The following B9D1 variants were observed in gnomAD, a reference collection of about 807,000 sequenced individuals.
B9D1 encodes B9 domain containing 1, also known as B9 domain-containing protein 1.
In B9D1, 20 loss-of-function variants were observed where a neutral mutation model predicts 26.1. The observed-to-expected ratio is 0.77, with a 90% CI of 0.54 to 1.12. B9D1 has a LOEUF of 1.12. Ranked by LOEUF, B9D1 falls within the 50% of genes most tolerant of loss-of-function variation. The pLI is 0.00. For missense variants in B9D1, 260 were observed against 273.7 expected (o/e 0.95, Z 0.35); for synonymous variants, 105 against 103.1 (o/e 1.02, Z -0.11).
downstream of B9D1, chr17:19,337,613 T>G: frequency 9.1e-7 from 1 of 1,101,544 alleles, no homozygotes; most frequent in Non-Finnish European, 1.3e-6. Context: ...GGGATGCTCT[T>G]GGTTACGCTG....
upstream of B9D1, among the ~76,000 whole-genome samples, chr17:19,365,383 G>A (rs1911534606): frequency 6.6e-6 from 1 of 152,194 alleles, no homozygotes; most frequent in Non-Finnish European, 1.5e-5. The surrounding 1 kb of genome is among the most constrained non-coding windows in gnomAD (Gnocchi z 5.0). Flanking sequence ...CACCCTCCTG[G>A]AGCCCCTCTC....
chr17:19,340,211 C>T (rs1417713122), downstream of B9D1, among the ~76,000 whole-genome samples: 1 of 152,112 alleles, frequency 6.6e-6, no homozygotes, highest in African/African-American at 2.4e-5. Context: ...CCCTCTGTCG[C>T]CCCGGCTGGA....
chr17:19,376,716 G>T (rs962223264), intron 1 of B9D1, among the ~76,000 whole-genome samples: 3 of 150,716 alleles, frequency 2.0e-5, no homozygotes, highest in African/African-American at 7.3e-5. Flanking sequence ...GAGACCAGGA[G>T]GGGGAGGTTG....
chr17:19,350,220 G>A (rs1909413216), intron 3 of B9D1, among the ~76,000 whole-genome samples: 2 of 152,002 alleles, frequency 1.3e-5, no homozygotes, highest in East Asian at 3.9e-4. Context: ...GACCAGCCTG[G>A]GTAACGTGGC....
downstream of B9D1, among the ~76,000 whole-genome samples, chr17:19,339,616 G>A (rs1034160701): frequency 2.6e-5 from 4 of 152,210 alleles, no homozygotes; most frequent in African/African-American, 7.2e-5. Flanking sequence ...CATTGGCTGA[G>A]CACAGTATCT....
chr17:19,351,890 CTTA>C (rs747689019), intron 3 of B9D1, among the ~76,000 whole-genome samples: 103 of 152,332 alleles, frequency 6.8e-4, no homozygotes, highest in Non-Finnish European at 8.5e-4. Context: ...TCTGTTTCTT[CTTA>C]TTATTTTTTA....
chr17:19,347,974 G>A lies in B9D1; in HGVS notation c.245-94C>T, dbSNP rs1207104853. The A allele has an allele frequency of 1.4e-5, 15 of 1,095,794 alleles. No homozygotes were observed. Among genetic ancestry groups the A allele is most frequent in the Non-Finnish European group, 1.9e-5 (14 of 730,852 alleles). 67.9% of individuals were successfully genotyped at this position (1,095,794 alleles called of 1,614,324 possible). On this transcript the variant is annotated intron_variant, in intron 3 of 6. Transcript: ENST00000261499. The surrounding 1 kb of genome is among the most constrained non-coding windows in gnomAD (Gnocchi z 4.3). The stretch of plus-strand genomic sequence containing the variant: ...GCGTGTCCAGCTGAGGGTGCTCAAA[G>A]GATGGAGCTCAAAACTCTGGGGTGG...
At chr17:19,358,309 G>A (rs1021242257) in intron 2 of B9D1, among the ~76,000 whole-genome samples, 3 of 152,100 alleles carry the variant, frequency 2.0e-5, no homozygotes, top group Non-Finnish European at 2.9e-5. Flanking sequence ...CGGTAAATAC[G>A]TAAATGTGTT....
At position 19,357,827 on chromosome 17, in the gene B9D1, C is replaced by T. The variant is rs1270235951; in HGVS notation, c.244+13G>A. 1.9e-6 allele frequency: 3 copies of T among 1,605,888 alleles called. No homozygotes were observed. In the South Asian group the frequency reaches 3.3e-5, roughly 18 times the overall value. On this transcript the variant is annotated intron_variant, in intron 3 of 6. Coordinates refer to ENST00000261499, the MANE Select transcript of B9D1 (RefSeq NM_015681.6). ...CTCTGCCACCCTACCCCACAGGGCC[C>T]CTGCAGACTCACAGCCGTAGGGGTT...
At chr17:19,363,303 G>A (rs183691795), upstream of B9D1, among the ~76,000 whole-genome samples, 2 of 152,346 alleles carry the variant, frequency 1.3e-5, no homozygotes, top group African/African-American at 4.8e-5. Context: ...GGAAACTGAG[G>A]CCCGCAGCGG....
chr17:19,350,203 A>T (rs1909411981), intron 3 of B9D1, among the ~76,000 whole-genome samples: 1 of 151,864 alleles, frequency 6.6e-6, no homozygotes, highest in Non-Finnish European at 1.5e-5. Context: ...TGAGGCCAGG[A>T]GTTCAAGACC....
chr17:19,359,985 G>A lies in B9D1; in HGVS notation c.132+335C>T, dbSNP rs1197988928. On this transcript the variant is annotated intron_variant, in intron 2 of 6. Transcript: ENST00000261499. The surrounding 1 kb of genome is among the most constrained non-coding windows in gnomAD (Gnocchi z 5.0). The stretch of plus-strand genomic sequence containing the variant: ...AGGTCCTCCCCACTGGCTGAGGAGA[G>A]GCCAAATGGTGAGCGGACTGGCCAG... Among the ~76,000 whole-genome samples, 2 of 152,192 alleles carry A rather than the reference G, an allele frequency of 1.3e-5. No individual in the cohort carries two copies. Among genetic ancestry groups the A allele is most frequent in the Non-Finnish European group, 2.9e-5 (2 of 68,042 alleles).
chr17:19,369,141 C>T (rs957586925), intron 1 of B9D1, among the ~76,000 whole-genome samples: 13 of 152,180 alleles, frequency 8.5e-5, no homozygotes, highest in Admixed American at 5.9e-4. Context: ...GATAGGGAAG[C>T]GTATAGGGTT....
chr17:19,347,136 T>A lies in B9D1; in HGVS notation c.404+133A>T, dbSNP rs1224165533. ...TGACTCAGCACTCCCAGGGGACCTG[T>A]TTCTATTTGTCCTCAGTGGGTGGAG... is the stretch of plus-strand genomic sequence containing the variant. On this transcript the variant is annotated intron_variant, in intron 5 of 6. Transcript: ENST00000261499. The surrounding 1 kb of genome is among the most constrained non-coding windows in gnomAD (Gnocchi z 4.3). The A allele has an allele frequency of 6.2e-7, 1 of 1,602,408 alleles. No individual in the cohort carries two copies. Among genetic ancestry groups the A allele is most frequent in the South Asian group, 1.1e-5 (1 of 89,700 alleles).
intron 1 of B9D1, among the ~76,000 whole-genome samples, chr17:19,377,125 G>T (rs978685395): frequency 1.3e-5 from 2 of 152,196 alleles, no homozygotes; most frequent in African/African-American, 4.8e-5. Context: ...ACTATGCCCC[G>T]ACCATCTTGG....
At chr17:19,344,085 G>A (rs961160531) in intron 5 of B9D1, among the ~76,000 whole-genome samples, 6 of 152,228 alleles carry the variant, frequency 3.9e-5, no homozygotes, top group Non-Finnish European at 8.8e-5. Flanking sequence ...CATGTGCTCT[G>A]CAGCCACGCT....
At chr17:19,368,729 G>A (rs1313840801) in intron 1 of B9D1, among the ~76,000 whole-genome samples, 1 of 152,082 alleles carries the variant, frequency 6.6e-6, no homozygotes, top group Non-Finnish European at 1.5e-5. Flanking sequence ...AGGATCATTC[G>A]AGCCCAGAAG....
intron 3 of B9D1, among the ~76,000 whole-genome samples, chr17:19,348,566 C>T (rs1456969681): frequency 6.6e-6 from 1 of 152,118 alleles, no homozygotes; most frequent in East Asian, 1.9e-4. Flanking sequence ...TGAAATAGTA[C>T]CTAATGCATA....
In B9D1 at chr17:19,358,558, T is replaced by C. The variant is rs143093327; in HGVS notation, c.133-607A>G. On this transcript the variant is annotated intron_variant, in intron 2 of 6. Transcript: ENST00000261499. The stretch of plus-strand genomic sequence containing the variant: ...TTGCTAGATCCAATGGTCATTTCTC[T>C]ATCCTCGTGTTACTTGACCCATCAG... 7.7e-4 allele frequency among the ~76,000 whole-genome samples: 118 copies of C among 152,354 alleles called. No homozygotes were observed. The East Asian group carries it at 0.022, about 28-fold the overall frequency.
Sources: gnomAD v4.1 joint callset for allele counts (sites outside exome capture counted in the v4.1 genomes callset) on GRCh38, gnomAD v4.1.1 for gene constraint, Gnocchi (gnomAD v3.1) non-coding constraint, MANE v1.5 for transcripts, NCBI Gene and HGNC (gene_info 2026-07-23, HGNC 2026-07-21) for gene names.